Variants in MCTP1 observed in about 807,000 individuals in gnomAD.
MCTP1 encodes multiple C2 and transmembrane domain-containing protein 1.
In MCTP1, 69 loss-of-function variants were observed where a neutral mutation model predicts 120.6. That is an observed-to-expected ratio of 0.57 (90% CI 0.47 to 0.70). MCTP1 has a LOEUF of 0.70. Ranked by LOEUF, MCTP1 falls within the 30% of genes least tolerant of loss-of-function variation. The pLI, the probability that MCTP1 is intolerant of heterozygous loss-of-function variation, is 0.00. For synonymous variants in MCTP1, 529 were observed against 493.1 expected (o/e 1.07, Z -0.96); for missense variants, 1,203 against 1,248.8 (o/e 0.96, Z 0.55).
At chr5:94,914,710 T>G (rs1354082140) in intron 8 of MCTP1, among the ~76,000 whole-genome samples, 1 of 152,208 alleles carries the variant, frequency 6.6e-6, no homozygotes, top group Non-Finnish European at 1.5e-5. Context: ...ACCTGCAAGT[T>G]CTGCAGAACT....
chr5:94,925,865 G>A lies in MCTP1; in HGVS notation c.1213-1844C>T, dbSNP rs190371936. ...CCAAGATTTCTAATTTATAAGAGTA[G>A]TAAGATGCATTGGGAATATCTTATT... is the stretch of plus-strand genomic sequence containing the variant. On this transcript the variant is annotated intron_variant, in intron 6 of 22. Transcript: ENST00000515393. Among the ~76,000 whole-genome samples the A allele has an allele frequency of 3.1e-3, 471 of 152,270 alleles. 3 individuals carry two copies. Among genetic ancestry groups the A allele is most frequent in the Non-Finnish European group, 5.1e-3 (347 of 68,020 alleles).
At chr5:95,174,126 C>G (rs572460083) in intron 1 of MCTP1, among the ~76,000 whole-genome samples, 1 of 152,148 alleles carries the variant, frequency 6.6e-6, no homozygotes, top group African/African-American at 2.4e-5. Context: ...AATTACAATG[C>G]CTTGCTAGGG....
chr5:94,782,943 C>T (rs1776883933), intron 18 of MCTP1, among the ~76,000 whole-genome samples: 1 of 152,022 alleles, frequency 6.6e-6, no homozygotes, highest in South Asian at 2.1e-4. Context: ...ATTCTCTTTC[C>T]AAATTATGCT....
At chr5:94,938,374 C>T (rs1353379703) in intron 5 of MCTP1, among the ~76,000 whole-genome samples, 4 of 151,974 alleles carry the variant, frequency 2.6e-5, no homozygotes, top group Non-Finnish European at 5.9e-5. Context: ...CTCTAAACTC[C>T]AGTAGTTTTT....
rs557183913 is a variant in MCTP1, at chr5:95,130,550, T to C, written c.721-113066A>G. Among the ~76,000 whole-genome samples, 5 of 152,348 alleles carry C rather than the reference T, an allele frequency of 3.3e-5. No homozygotes were observed. The South Asian group carries it at 1.0e-3, about 32-fold the overall frequency. ...TTGCTAAGGCTGCTGTAACAAAATG[T>C]CACAGTGTGGGTGGCTTAAACAGAG... On this transcript the variant is annotated intron_variant, in intron 1 of 22. Coordinates refer to ENST00000515393, the MANE Select transcript of MCTP1 (RefSeq NM_024717.7).
intron 1 of MCTP1, among the ~76,000 whole-genome samples, chr5:95,195,302 T>C (rs1392137234): frequency 6.6e-6 from 1 of 152,166 alleles, no homozygotes; most frequent in Non-Finnish European, 1.5e-5. Flanking sequence ...CCATATCTGC[T>C]TTCTATTTCA....
intron 1 of MCTP1, among the ~76,000 whole-genome samples, chr5:95,059,138 A>G (rs1177863838): frequency 6.6e-6 from 1 of 152,172 alleles, no homozygotes; most frequent in Admixed American, 6.5e-5. Context: ...TCACAGTGCT[A>G]TTCACAATAG....
chr5:95,184,818 C>A (rs1749015685), intron 1 of MCTP1, among the ~76,000 whole-genome samples: 2 of 152,300 alleles, frequency 1.3e-5, no homozygotes, highest in East Asian at 3.9e-4. Context: ...ACCACCCAGA[C>A]TGGTAATCTG....
intron 1 of MCTP1, among the ~76,000 whole-genome samples, chr5:95,238,701 A>C (rs975908147): frequency 6.6e-6 from 1 of 152,190 alleles, no homozygotes; most frequent in Admixed American, 6.5e-5. Flanking sequence ...GTCGCCTGAT[A>C]CCAAGCCTCA....
chr5:95,132,071 T>C (rs1383428664), intron 1 of MCTP1, among the ~76,000 whole-genome samples: 1 of 152,236 alleles, frequency 6.6e-6, no homozygotes, highest in Non-Finnish European at 1.5e-5. Flanking sequence ...TTATTGAAAT[T>C]TGTTCCAAAT....
At position 94,911,242 on chromosome 5, in the gene MCTP1, G is replaced by A. The variant is rs182798599; in HGVS notation, c.1521+1564C>T. 9.9e-5 allele frequency among the ~76,000 whole-genome samples: 15 copies of A among 152,244 alleles called. No homozygotes were observed. The East Asian group carries it at 1.2e-3, about 12-fold the overall frequency. ...TGGAATGTGATCTTTAATACAAGAC[G>A]GATATGATCAGTTGTCCTAAGCTGT... On this transcript the variant is annotated intron_variant, in intron 9 of 22. Transcript: ENST00000515393.
chr5:94,773,275 C>T (rs1370118412), intron 19 of MCTP1, among the ~76,000 whole-genome samples: 1 of 152,160 alleles, frequency 6.6e-6, no homozygotes, highest in South Asian at 2.1e-4. Context: ...CCTCAGTTTA[C>T]ACCCCTGGCA....
intron 1 of MCTP1, among the ~76,000 whole-genome samples, chr5:95,243,658 G>T (rs895485417): frequency 4.6e-5 from 7 of 152,178 alleles, no homozygotes; most frequent in Non-Finnish European, 1.0e-4. Context: ...TGGAGAGAGA[G>T]ACACCATTTT....
At chr5:95,063,069 C>T (rs994800835) in intron 1 of MCTP1, among the ~76,000 whole-genome samples, 1 of 152,162 alleles carries the variant, frequency 6.6e-6, no homozygotes, top group Non-Finnish European at 1.5e-5. Flanking sequence ...CCTCCCGCCT[C>T]GGCCTCCCAA....
chr5:95,248,428 A>G (rs1221057207), intron 1 of MCTP1, among the ~76,000 whole-genome samples: 1 of 152,186 alleles, frequency 6.6e-6, no homozygotes, highest in African/African-American at 2.4e-5. Flanking sequence ...AATTACTACA[A>G]AGAGAATAAA....
At chr5:94,817,457 A>C (rs1784713869) in intron 17 of MCTP1, among the ~76,000 whole-genome samples, 1 of 151,464 alleles carries the variant, frequency 6.6e-6, no homozygotes, top group Admixed American at 6.6e-5. Flanking sequence ...CTGGTTTACT[A>C]TGCAGAAGGA....
intron 1 of MCTP1, among the ~76,000 whole-genome samples, chr5:95,097,388 GGAA>G (rs1756353315): frequency 6.6e-6 from 1 of 152,160 alleles, no homozygotes; most frequent in South Asian, 2.1e-4. Context: ...GAGAACCAGG[GGAA>G]GATTGTAAGA....
intron 19 of MCTP1, among the ~76,000 whole-genome samples, chr5:94,717,570 G>A (rs1474612092): frequency 6.6e-6 from 1 of 152,096 alleles, no homozygotes; most frequent in Non-Finnish European, 1.5e-5. Context: ...TAGGAACATA[G>A]GAAGTCAAAC....
intron 1 of MCTP1, among the ~76,000 whole-genome samples, chr5:95,169,477 G>C (rs1746917826): frequency 6.6e-6 from 1 of 152,140 alleles, no homozygotes; most frequent in African/African-American, 2.4e-5. Flanking sequence ...AATAGTACCA[G>C]CTCCTCCTTG....
Sources: allele counts gnomAD v4.1 joint callset (sites outside exome capture counted in the v4.1 genomes callset), GRCh38; gene constraint gnomAD v4.1.1; transcripts MANE v1.5; gene names NCBI Gene and HGNC (gene_info 2026-07-23, HGNC 2026-07-21).